Variants in CRACD observed in about 807,000 individuals in gnomAD.
The protein encoded by CRACD is capping protein-inhibiting regulator of actin dynamics.
A neutral mutation model predicts 106.8 loss-of-function variants in CRACD; 56 were observed. The ratio of observed to expected loss-of-function variants is 0.52; its 90% CI spans 0.42 to 0.66. The LOEUF is 0.66. Ranked by LOEUF, CRACD falls within the 30% of genes least tolerant of loss-of-function variation. The pLI is 0.00. For missense variants in CRACD, 1,730 were observed against 1,623.2 expected (o/e 1.07, Z -1.13); for synonymous variants, 754 against 670.8 (o/e 1.12, Z -1.92).
In CRACD at chr4:56,329,997, AC is replaced by A. The variant is rs1200333411; in HGVS notation, c.*2194del. Among the ~76,000 whole-genome samples, 2 of 152,176 alleles carry A rather than the reference AC, an allele frequency of 1.3e-5. No individual in the cohort carries two copies. Among genetic ancestry groups the A allele is most frequent in the Non-Finnish European group, 2.9e-5 (2 of 68,028 alleles). ...TGAAGAAAGGGCAGTCACAATACTT[AC>A]TTCTAACAGCTTCTAAAGGGTACAT... On this transcript the variant is annotated 3_prime_UTR_variant, in exon 11 of 11. Transcript: ENST00000682029.
At chr4:56,276,364 C>A (rs188422023) in intron 3 of CRACD, among the ~76,000 whole-genome samples, 2 of 152,102 alleles carry the variant, frequency 1.3e-5, no homozygotes, top group Admixed American at 1.3e-4. Context: ...TTTTACTATG[C>A]GAATGTGTCC....
intron 1 of CRACD, among the ~76,000 whole-genome samples, chr4:56,078,750 TC>T (rs1020918692): frequency 6.6e-6 from 1 of 152,190 alleles, no homozygotes; most frequent in African/African-American, 2.4e-5. Flanking sequence ...GTTTCACTTT[TC>T]CCTTGAGTCT....
intron 1 of CRACD, among the ~76,000 whole-genome samples, chr4:56,147,755 C>T (rs528860742): frequency 6.6e-6 from 1 of 152,288 alleles, no homozygotes; most frequent in South Asian, 2.1e-4. Context: ...TACAGTCCCA[C>T]CAGCAATATA....
chr4:56,263,125 C>G (rs892702684), intron 2 of CRACD, among the ~76,000 whole-genome samples: 6 of 152,168 alleles, frequency 3.9e-5, no homozygotes, highest in Non-Finnish European at 7.3e-5. Flanking sequence ...GTACTATGCA[C>G]AAGCAGAGAA....
chr4:56,056,424 G>A (rs893113362), intron 1 of CRACD, among the ~76,000 whole-genome samples: 5 of 151,996 alleles, frequency 3.3e-5, no homozygotes, highest in African/African-American at 4.8e-5. Context: ...TGCCCTATAC[G>A]GTCCTGCTGG....
Position 56,307,512 on chromosome 4 carries a change from GTCTT to G in CRACD, c.121-18_121-15del, listed in dbSNP as rs748727200. 3.7e-6 allele frequency: 6 copies of G among 1,613,028 alleles called. No individual in the cohort carries two copies. The highest frequency in any genetic ancestry group is 1.1e-5 in the South Asian group (1 of 90,910). ...GTGAACTGCTTCACTGCTTCAGAATGTCTTTCTTCTGTTTCTCTCCAGCAACAGT... is the reference window on the plus strand; with the variant it reads ...GTGAACTGCTTCACTGCTTCAGAATGTCTTCTGTTTCTCTCCAGCAACAGT... On this transcript the variant is annotated intron_variant, in intron 4 of 10. Coordinates refer to ENST00000682029, the MANE Select transcript of CRACD (RefSeq NM_001393381.1).
intron 1 of CRACD, among the ~76,000 whole-genome samples, chr4:56,131,228 T>C (rs1339163324): frequency 6.6e-6 from 1 of 152,214 alleles, no homozygotes; most frequent in Non-Finnish European, 1.5e-5. Flanking sequence ...TTGGTCCAAG[T>C]CACTTAATGT....
chr4:56,067,327 C>T (rs1294970585), intron 1 of CRACD, among the ~76,000 whole-genome samples: 1 of 152,168 alleles, frequency 6.6e-6, no homozygotes, highest in African/African-American at 2.4e-5. Flanking sequence ...TTGTGGGCGG[C>T]TAGTGCGACT....
chr4:56,316,738 C>CAGGG, intron 8 of CRACD, 49 bp downstream of exon 8: 1 of 1,478,482 alleles, frequency 6.8e-7, no homozygotes, highest in Non-Finnish European at 9.1e-7. Context: ...GTGTCAGAGC[C>CAGGG]AGGGCATCAA....
chr4:56,054,087 C>T (rs35351099), intron 1 of CRACD, among the ~76,000 whole-genome samples: 9,592 of 152,100 alleles, frequency 0.063, 308 homozygotes, highest in African/African-American at 0.088. Context: ...GGACATGGCC[C>T]ACTTATTGGG....
chr4:56,279,714 A>G (rs1314675234), intron 3 of CRACD, among the ~76,000 whole-genome samples: 4 of 152,182 alleles, frequency 2.6e-5, no homozygotes, highest in African/African-American at 4.8e-5. Context: ...AACTAGTTCA[A>G]CCATTGTGGA....
chr4:56,067,324 C>T (rs867830110), intron 1 of CRACD, among the ~76,000 whole-genome samples: 118 of 152,220 alleles, frequency 7.8e-4, no homozygotes, highest in Middle Eastern at 3.4e-3. Flanking sequence ...CTCTTGTGGG[C>T]GGCTAGTGCG....
intron 1 of CRACD, among the ~76,000 whole-genome samples, chr4:56,149,867 AG>A (rs1413351909): frequency 6.6e-6 from 1 of 152,190 alleles, no homozygotes; most frequent in Non-Finnish European, 1.5e-5. Flanking sequence ...TTTCAGCATG[AG>A]TGTTTTCCTA....
In CRACD at chr4:56,328,134, A is replaced by G; in HGVS notation, c.*330A>G. 1 of 379,254 alleles carries G rather than the reference A, an allele frequency of 2.6e-6. No homozygotes were observed. The highest frequency in any genetic ancestry group is 2.2e-5 in the South Asian group (1 of 45,388). The allele number at this position is 379,254 out of a possible 1,614,324, so 23.5% of individuals were successfully genotyped here. On this transcript the variant is annotated 3_prime_UTR_variant, in exon 11 of 11. Coordinates refer to ENST00000682029, the MANE Select transcript of CRACD (RefSeq NM_001393381.1). ...TTGCACACACACCCACCCACACACC[A>G]TTCAGAACATGTACTTTTGCCAACC...
rs963676986 is a variant in CRACD at position 56,071,924 on chromosome 4, G to A, written c.-336+22625G>A. Among the ~76,000 whole-genome samples, 10 of 151,672 alleles carry A rather than the reference G, an allele frequency of 6.6e-5. No homozygotes were observed. In the East Asian group the frequency reaches 1.2e-3, roughly 18 times the overall value. On this transcript the variant is annotated intron_variant, in intron 1 of 10. Transcript: ENST00000682029. ...GGGCGGATCATGAGGTCAGGAGATC[G>A]AGACCATCCTGGCTAACACAGTGAA...
In CRACD at chr4:56,314,568, G is replaced by A. The variant is rs1745416296; in HGVS notation, c.1066G>A (p.Glu356Lys). The A allele has an allele frequency of 8.6e-6, 13 of 1,514,962 alleles. No individual in the cohort carries two copies. Among genetic ancestry groups the A allele is most frequent in the African/African-American group, 1.4e-5 (1 of 71,856 alleles). The allele number at this position is 1,514,962 out of a possible 1,614,324, so 93.8% of individuals were successfully genotyped here. Residue 356 changes from glutamate to lysine, a missense_variant, in exon 8 of 11, where the codon GAG (glutamate) becomes AAG (lysine). Around this residue, in one of 5 missense-constraint regions of CRACD, gnomAD observed 1,620 missense variants for 1,481.6 expected, o/e 1.09. Transcript: ENST00000682029. The surrounding 1 kb of genome is among the most constrained non-coding windows in gnomAD (Gnocchi z 4.4). ...GGAGGAGGAGGAAGGAAGATGCGCG[G>A]AGGAGCTCAAAAGGCAGGAGGAGGA... is the stretch of plus-strand genomic sequence containing the variant. ...RQEEEEGRCA[E>K]ELKRQEEEEA... is the part of the protein sequence containing the mutation.
chr4:56,129,563 C>T (rs184423806), intron 1 of CRACD, among the ~76,000 whole-genome samples: 9 of 152,276 alleles, frequency 5.9e-5, no homozygotes, highest in Admixed American at 5.2e-4. Flanking sequence ...TGTGCTGCAC[C>T]GTGGGGCTGC....
At chr4:56,204,205 C>T (rs1167854522) in intron 2 of CRACD, among the ~76,000 whole-genome samples, 1 of 152,224 alleles carries the variant, frequency 6.6e-6, no homozygotes, top group Admixed American at 6.5e-5. Context: ...GGTCCATTGC[C>T]ATGGAGTGGC....
At chr4:56,282,506 A>G (rs185734796) in intron 3 of CRACD, among the ~76,000 whole-genome samples, 11 of 152,222 alleles carry the variant, frequency 7.2e-5, no homozygotes, top group African/African-American at 2.7e-4. Context: ...GTTTTAACAG[A>G]AATCAGAACT....
Sources: allele counts gnomAD v4.1 joint callset (sites outside exome capture counted in the v4.1 genomes callset), GRCh38; gene constraint gnomAD v4.1.1; regional missense constraint gnomAD v4.1.1; non-coding constraint Gnocchi (gnomAD v3.1); transcripts MANE v1.5; gene names NCBI Gene and HGNC (gene_info 2026-07-23, HGNC 2026-07-21).